The following PTPN2 variants were observed in gnomAD, a reference collection of about 807,000 sequenced individuals.
PTPN2 encodes protein tyrosine phosphatase non-receptor type 2, also known as tyrosine-protein phosphatase non-receptor type 2.
A neutral mutation model predicts 57.3 loss-of-function variants in PTPN2; 19 were observed. That is an observed-to-expected ratio of 0.33 (90% CI 0.23 to 0.49). The LOEUF (loss-of-function observed/expected upper bound fraction) is 0.49, where lower values mean the gene tolerates loss of function less well. PTPN2 is among the 20% of genes least tolerant of loss of function. The probability of loss-of-function intolerance (pLI) is 0.99; values close to 1 mark genes in which losing one functional copy is unlikely to be tolerated. For missense variants in PTPN2, 358 were observed against 501.1 expected (o/e 0.71, Z 2.73); for synonymous variants, 153 against 164.9 (o/e 0.93, Z 0.55).
At chr18:12,801,693 G>T in intron 8 of PTPN2, 1 of 285,728 alleles carries the variant, frequency 3.5e-6, no homozygotes, top group Non-Finnish European at 6.7e-6. Context: ...TCAGTCTCCC[G>T]AGTGGCTGGG....
intron 5 of PTPN2, among the ~76,000 whole-genome samples, chr18:12,823,567 C>T (rs770913714): frequency 1.8e-4 from 28 of 152,078 alleles, no homozygotes; most frequent in South Asian, 8.3e-4. Flanking sequence ...CCCAGCTACT[C>T]GGGAGGCTAG....
At chr18:12,851,153 T>G (rs530160932) in intron 2 of PTPN2, among the ~76,000 whole-genome samples, 68 of 152,094 alleles carry the variant, frequency 4.5e-4, no homozygotes, top group African/African-American at 1.4e-3. Flanking sequence ...GGATATAGGG[T>G]TCTATGTATT....
At chr18:12,819,290 C>T in intron 5 of PTPN2, 2 of 1,348,750 alleles carry the variant, frequency 1.5e-6, no homozygotes, top group Non-Finnish European at 2.0e-6. Flanking sequence ...ATACTAAAAG[C>T]AATAAAAAAT....
chr18:12,825,979 G>C (rs1276022342), intron 4 of PTPN2, 35 bp from the exon 5 acceptor site: 1 of 1,511,006 alleles, frequency 6.6e-7, no homozygotes, highest in African/African-American at 1.4e-5. Context: ...TTTTTTTTTA[G>C]TTTATAGACA....
chr18:12,816,519 G>A (rs1376879543), intron 6 of PTPN2, among the ~76,000 whole-genome samples: 1 of 152,004 alleles, frequency 6.6e-6, no homozygotes, highest in East Asian at 1.9e-4. Flanking sequence ...GAAGTATAAG[G>A]GCAAACAGAA....
At chr18:12,852,908 T>C (rs1471649027) in intron 2 of PTPN2, among the ~76,000 whole-genome samples, 1 of 152,192 alleles carries the variant, frequency 6.6e-6, no homozygotes, top group Admixed American at 6.5e-5. Flanking sequence ...TTCCCCTTTA[T>C]TTACCTAGTT....
At position 12,800,090 on chromosome 18, in the gene PTPN2, G is replaced by A. The variant is rs543762704; in HGVS notation, c.1040+1880C>T. Reference sequence around the variant, plus strand: ...AGAAGAAAACACCGCCACCACATGCGAAAACATGTACAGGCACATAAACAC... The same window carrying A: ...AGAAGAAAACACCGCCACCACATGCAAAAACATGTACAGGCACATAAACAC... On this transcript the variant is annotated intron_variant, in intron 8 of 8. Transcript: ENST00000309660. 2.9e-4 allele frequency among the ~76,000 whole-genome samples: 44 copies of A among 152,210 alleles called. No individual in the cohort carries two copies. In the East Asian group the frequency reaches 7.9e-3, roughly 27 times the overall value.
At chr18:12,819,094 CAAAAAAAAAA>C (rs34910954) in intron 5 of PTPN2, 1 of 261,312 alleles carries the variant, frequency 3.8e-6, no homozygotes, top group African/African-American at 3.7e-5. Context: ...AACTCCATCT[CAAAAAAAAAA>C]AAAAAAATCC....
chr18:12,863,560 G>C (rs1381653277), intron 1 of PTPN2: 3 of 147,252 alleles, frequency 2.0e-5, no homozygotes, highest in Admixed American at 6.8e-5. Flanking sequence ...TTGGGGGGGG[G>C]GGGGCAAGTG....
At chr18:12,879,121 T>G (rs2044587587) in intron 1 of PTPN2, among the ~76,000 whole-genome samples, 1 of 152,180 alleles carries the variant, frequency 6.6e-6, no homozygotes, top group African/African-American at 2.4e-5. Flanking sequence ...ATTAAACTTT[T>G]CCAACTGCAC....
At chr18:12,797,656 G>A (rs187542576) in intron 8 of PTPN2, among the ~76,000 whole-genome samples, 1 of 152,292 alleles carries the variant, frequency 6.6e-6, no homozygotes, top group Admixed American at 6.5e-5. Flanking sequence ...CTTCCTTAGT[G>A]GGGCCTAAAG....
intron 7 of PTPN2, among the ~76,000 whole-genome samples, chr18:12,804,084 G>A (rs2041531675): frequency 6.6e-6 from 1 of 152,066 alleles, no homozygotes; most frequent in African/African-American, 2.4e-5. Context: ...AGGATCACCT[G>A]AGGTGAGGAG....
intron 1 of PTPN2, among the ~76,000 whole-genome samples, chr18:12,866,505 T>C (rs951678380): frequency 1.3e-5 from 2 of 151,868 alleles, no homozygotes; most frequent in Non-Finnish European, 2.9e-5. Flanking sequence ...AGACTACACA[T>C]GGTATGAGAC....
chr18:12,870,425 ACGTATATATATATGTG>A (rs1270575378), intron 1 of PTPN2, among the ~76,000 whole-genome samples: 5 of 47,420 alleles, frequency 1.1e-4, no homozygotes, highest in Non-Finnish European at 1.6e-4. Flanking sequence ...GTATATATAT[ACGTATATATATATGTG>A]TATATATATA....
Position 12,793,062 on chromosome 18 carries a change from C to G in PTPN2, c.*1216G>C. 2 of 985,336 alleles carry G rather than the reference C, an allele frequency of 2.0e-6. No individual in the cohort carries two copies. The highest frequency in any genetic ancestry group is 1.2e-6 in the Non-Finnish European group (1 of 829,878). The allele number at this position is 985,336 out of a possible 1,614,324, so 61.0% of individuals were successfully genotyped here. A position where few individuals can be genotyped will look rare whatever the true frequency, so the allele number is the denominator to read the frequency against. ...AAACCACTGAAATAAGGTATGCTATCCATAATAATGTATGCTATCCATGCC... is the reference window on the plus strand; with the variant it reads ...AAACCACTGAAATAAGGTATGCTATGCATAATAATGTATGCTATCCATGCC... On this transcript the variant is annotated 3_prime_UTR_variant, in exon 9 of 9. Coordinates refer to ENST00000309660, the MANE Select transcript of PTPN2 (RefSeq NM_002828.4).
chr18:12,880,182 A>G (rs572210325), intron 1 of PTPN2, among the ~76,000 whole-genome samples: 29 of 151,006 alleles, frequency 1.9e-4, no homozygotes, highest in African/African-American at 5.0e-4. Flanking sequence ...AGAAGGGGGG[A>G]AAGTTGTGCC....
At chr18:12,858,197 C>T (rs998313602) in intron 2 of PTPN2, among the ~76,000 whole-genome samples, 3 of 152,064 alleles carry the variant, frequency 2.0e-5, no homozygotes, top group East Asian at 1.9e-4. Flanking sequence ...AGTCAACAGG[C>T]GAACAATCAG....
At chr18:12,827,318 G>C (rs1407316401) in intron 4 of PTPN2, among the ~76,000 whole-genome samples, 1 of 150,608 alleles carries the variant, frequency 6.6e-6, no homozygotes, top group Non-Finnish European at 1.5e-5. Flanking sequence ...ACTCCAGCCT[G>C]GGCGACAGAG....
chr18:12,840,999 A>G, intron 2 of PTPN2: 3 of 1,424,672 alleles, frequency 2.1e-6, no homozygotes, highest in South Asian at 3.0e-5. Context: ...GTCAACAAAC[A>G]TATTTTAACC....
Sources: gnomAD v4.1 joint callset for allele counts (sites outside exome capture counted in the v4.1 genomes callset) on GRCh38, gnomAD v4.1.1 for gene constraint, MANE v1.5 for transcripts, NCBI Gene and HGNC (gene_info 2026-07-23, HGNC 2026-07-21) for gene names.